The following MAML3 variants were observed in gnomAD, a reference collection of about 807,000 sequenced individuals.
MAML3 encodes the protein mastermind-like protein 3.
MAML3 carries 27 observed loss-of-function variants against 101.9 expected under a neutral mutation model. That is an observed-to-expected ratio of 0.27 (90% CI 0.20 to 0.37). The LOEUF is 0.37. Ranked by LOEUF, MAML3 falls within the 10% of genes least tolerant of loss-of-function variation. MAML3 has a pLI of 1.00. For missense variants in MAML3, 1,316 were observed against 1,444.9 expected (o/e 0.91, Z 1.45); for synonymous variants, 501 against 555.9 (o/e 0.90, Z 1.39).
At chr4:139,811,164 CT>C (rs1322145602) in intron 2 of MAML3, among the ~76,000 whole-genome samples, 4 of 152,148 alleles carry the variant, frequency 2.6e-5, no homozygotes, top group African/African-American at 9.7e-5. Flanking sequence ...GAAAATGAAA[CT>C]TTTTAAAACT....
chr4:140,077,383 T>C (rs1224065151), intron 1 of MAML3, among the ~76,000 whole-genome samples: 3 of 152,166 alleles, frequency 2.0e-5, no homozygotes, highest in East Asian at 1.9e-4. Flanking sequence ...AACAAAATCT[T>C]GCAGCCCCGC....
At chr4:139,943,603 G>T (rs10000502) in intron 1 of MAML3, among the ~76,000 whole-genome samples, 57,375 of 151,934 alleles carry the variant, frequency 0.38, 11,345 homozygotes, top group African/African-American at 0.48. Context: ...TCATAATCAT[G>T]TTTGGCTAAA....
At chr4:140,041,865 A>G (rs1002730606) in intron 1 of MAML3, among the ~76,000 whole-genome samples, 4 of 152,228 alleles carry the variant, frequency 2.6e-5, no homozygotes, top group Non-Finnish European at 5.9e-5. Context: ...CTTCATCCAG[A>G]GAGCCTATTT....
intron 2 of MAML3, among the ~76,000 whole-genome samples, chr4:139,775,779 C>T (rs952433326): frequency 2.6e-5 from 4 of 152,148 alleles, no homozygotes; most frequent in Admixed American, 2.6e-4. Context: ...GTGAAAAGCA[C>T]GGTGGACATC....
chr4:140,026,315 C>T (rs755038250), intron 1 of MAML3, among the ~76,000 whole-genome samples: 8 of 152,072 alleles, frequency 5.3e-5, no homozygotes, highest in African/African-American at 1.9e-4. Context: ...AGTGCAGTGG[C>T]GTGATCTTGG....
At chr4:139,832,587 C>T (rs1731187684) in intron 2 of MAML3, among the ~76,000 whole-genome samples, 1 of 152,184 alleles carries the variant, frequency 6.6e-6, no homozygotes, top group Admixed American at 6.5e-5. Context: ...TCTTCCCCTG[C>T]AGATGGACCT....
At chr4:139,804,392 G>C (rs1730668914) in intron 2 of MAML3, among the ~76,000 whole-genome samples, 1 of 151,836 alleles carries the variant, frequency 6.6e-6, no homozygotes, top group African/African-American at 2.4e-5. Context: ...TCAGCCTCCA[G>C]AGTAGCTGAG....
intron 1 of MAML3, among the ~76,000 whole-genome samples, chr4:140,152,296 T>C (rs1211001977): frequency 6.6e-6 from 1 of 152,100 alleles, no homozygotes; most frequent in Non-Finnish European, 1.5e-5. Context: ...CCAAAGGGGG[T>C]GAGCTGGGGA....
intron 1 of MAML3, among the ~76,000 whole-genome samples, chr4:139,945,395 T>G (rs1016215055): frequency 2.6e-5 from 4 of 152,208 alleles, no homozygotes; most frequent in Non-Finnish European, 5.9e-5. Context: ...ATTTTTATTT[T>G]TTTAAAAAAG....
Position 140,107,694 on chromosome 4 carries a change from C to T in MAML3, c.468+45166G>A, listed in dbSNP as rs148036189. Reference sequence around the variant, plus strand: ...TAATTTTTGTATTTTTAGTAGAGATCGGGTTTCTCCATGTTGGCCAGGCTG... The same window carrying T: ...TAATTTTTGTATTTTTAGTAGAGATTGGGTTTCTCCATGTTGGCCAGGCTG... On this transcript the variant is annotated intron_variant, in intron 1 of 4. Coordinates refer to ENST00000509479, the MANE Select transcript of MAML3 (RefSeq NM_018717.5). 4.5e-3 allele frequency among the ~76,000 whole-genome samples: 688 copies of T among 151,294 alleles called. 7 individuals are homozygous for T. The highest frequency in any genetic ancestry group is 0.016 in the African/African-American group (661 of 41,214).
intron 2 of MAML3, among the ~76,000 whole-genome samples, chr4:139,763,967 C>A (rs75266816): frequency 0.03 from 4,571 of 152,268 alleles, 175 homozygotes; most frequent in African/African-American, 0.092. Context: ...CTCCTTTTCT[C>A]AACCCACAAG....
In MAML3 at chr4:140,154,115, G is replaced by A. The variant is rs1729226448; in HGVS notation, c.-788C>T. ...TCACAATGATCAACTGCTCGCCGCC[G>A]CCGCCGCCGCCGCCTCCTCCTCCTC... On this transcript the variant is annotated 5_prime_UTR_variant, in exon 1 of 5. Transcript: ENST00000509479. 5.5e-6 allele frequency: 1 copy of A among 181,288 alleles called. No homozygotes were observed. Among genetic ancestry groups the A allele is most frequent in the Non-Finnish European group, 1.2e-5 (1 of 86,566 alleles). 11.2% of individuals were successfully genotyped at this position (181,288 alleles called of 1,614,324 possible).
Position 140,022,991 on chromosome 4 carries a change from G to C in MAML3, c.468+129869C>G, listed in dbSNP as rs75993739. Among the ~76,000 whole-genome samples, 99 of 152,270 alleles carry C rather than the reference G, an allele frequency of 6.5e-4. 1 individual carries two copies. In the East Asian group the frequency reaches 0.014, roughly 21 times the overall value. ...ATTCAGTGAAGAAAGGGGTTCCATGGTCAAATAAATCTGAGAAATGCTGCA... is the reference window on the plus strand; with the variant it reads ...ATTCAGTGAAGAAAGGGGTTCCATGCTCAAATAAATCTGAGAAATGCTGCA... On this transcript the variant is annotated intron_variant, in intron 1 of 4. Coordinates refer to ENST00000509479, the MANE Select transcript of MAML3 (RefSeq NM_018717.5).
intron 1 of MAML3, among the ~76,000 whole-genome samples, chr4:139,953,931 C>T (rs1292472083): frequency 1.3e-5 from 2 of 152,174 alleles, no homozygotes; most frequent in East Asian, 3.9e-4. Context: ...TCTATTAGAT[C>T]AATTTATTCC....
intron 1 of MAML3, among the ~76,000 whole-genome samples, chr4:140,038,498 C>G (rs1727025994): frequency 6.6e-6 from 1 of 152,186 alleles, no homozygotes; most frequent in Non-Finnish European, 1.5e-5. Context: ...CCCTGACTTC[C>G]TAGGGCCAAA....
chr4:139,931,415 T>C (rs1733391329), intron 1 of MAML3, among the ~76,000 whole-genome samples: 2 of 152,222 alleles, frequency 1.3e-5, no homozygotes, highest in Non-Finnish European at 2.9e-5. Flanking sequence ...TTCTTCCTCT[T>C]ACCTTGTACC....
At chr4:140,015,504 TAA>T (rs1726627354) in intron 1 of MAML3, among the ~76,000 whole-genome samples, 1 of 152,168 alleles carries the variant, frequency 6.6e-6, no homozygotes, top group Admixed American at 6.6e-5. Flanking sequence ...GAAGAGCATC[TAA>T]AAAAAGTCTA....
intron 2 of MAML3, among the ~76,000 whole-genome samples, chr4:139,807,254 G>A (rs925376271): frequency 1.3e-5 from 2 of 151,428 alleles, no homozygotes; most frequent in African/African-American, 4.9e-5. Context: ...TTTGCAAACT[G>A]TAAAGTATCA....
At chr4:140,035,138 AT>A (rs540203168) in intron 1 of MAML3, among the ~76,000 whole-genome samples, 2 of 151,946 alleles carry the variant, frequency 1.3e-5, no homozygotes, top group African/African-American at 4.8e-5. Flanking sequence ...TGCCTGGCTA[AT>A]TTTTTCGTAT....
Sources: allele counts gnomAD v4.1 joint callset (sites outside exome capture counted in the v4.1 genomes callset), GRCh38; gene constraint gnomAD v4.1.1; transcripts MANE v1.5; gene names NCBI Gene and HGNC (gene_info 2026-07-23, HGNC 2026-07-21).